NLRC4: variants seen among roughly 807,000 people sequenced by gnomAD.
NLRC4 encodes the protein NLR family CARD domain-containing protein 4.
In NLRC4, 63 loss-of-function variants were observed where a neutral mutation model predicts 79.9. The observed-to-expected ratio is 0.79, with a 90% CI of 0.64 to 0.97. The LOEUF is 0.97. NLRC4 is among the 50% of genes least tolerant of loss of function. The pLI is 0.00. For missense variants in NLRC4, 1,074 were observed against 1,215.2 expected, an observed-to-expected ratio of 0.88 and a Z score of 1.73; for synonymous variants, 461 against 456.5, an observed-to-expected ratio of 1.01 and a Z score of -0.12.
At chr2:32,248,105 TATAAC>T (rs1157868034) in intron 4 of NLRC4, among the ~76,000 whole-genome samples, 1 of 152,124 alleles carries the variant, frequency 6.6e-6, no homozygotes, top group Non-Finnish European at 1.5e-5. Flanking sequence ...AATATATCGA[TATAAC>T]AAAACTGCAC....
intron 1 of NLRC4, among the ~76,000 whole-genome samples, chr2:32,258,503 C>G (rs971498816): frequency 2.0e-5 from 3 of 152,166 alleles, no homozygotes; most frequent in Admixed American, 6.5e-5. Context: ...GCGCCCTTCT[C>G]TTCCCAGCAC....
chr2:32,261,315 C>CTTTTTTTTTTTTTTTTTTTTT (rs1558464069), intron 1 of NLRC4, among the ~76,000 whole-genome samples: 7 of 81,572 alleles, frequency 8.6e-5, no homozygotes, highest in African/African-American at 2.9e-4. Context: ...AAGCCTCCCC[C>CTTTTTTTTTTTTTTTTTTTTT]CTTTTGTTTT....
chr2:32,240,009 C>CT (rs1280471738), intron 5 of NLRC4, among the ~76,000 whole-genome samples: 2 of 152,178 alleles, frequency 1.3e-5, no homozygotes, highest in Non-Finnish European at 2.9e-5. Context: ...AAGATGGAGT[C>CT]TATCTCTGTC....
At chr2:32,239,427 G>A (rs1375439689) in intron 5 of NLRC4, among the ~76,000 whole-genome samples, 1 of 152,208 alleles carries the variant, frequency 6.6e-6, no homozygotes, top group African/African-American at 2.4e-5. Flanking sequence ...GTTCATTGTT[G>A]TCATGGGAGT....
At chr2:32,233,175 A>C in intron 8 of NLRC4, among the ~76,000 whole-genome samples, 1 of 82,644 alleles carries the variant, frequency 1.2e-5, no homozygotes, top group Non-Finnish European at 2.2e-5. Flanking sequence ...GAAGGAAGGA[A>C]GGAAGGAAGG....
At chr2:32,259,188 T>C (rs944767248) in intron 1 of NLRC4, among the ~76,000 whole-genome samples, 21 of 150,532 alleles carry the variant, frequency 1.4e-4, no homozygotes, top group African/African-American at 4.9e-4. Context: ...CTTAACCTTC[T>C]GGGCTCAGGT....
In NLRC4 at chr2:32,251,552, A is replaced by C. The variant is rs779306819; in HGVS notation, c.312T>G (p.Asp104Glu). 1.2e-6 allele frequency: 2 copies of C among 1,612,058 alleles called. No homozygotes were observed. The highest frequency in any genetic ancestry group is 1.7e-6 in the Non-Finnish European group (2 of 1,179,140). ...SEGDLDDLAQDLKDLYHTPSF... is the reference protein window; with the variant it reads ...SEGDLDDLAQELKDLYHTPSF... ...ATGGGGTATGGTACAAGTCCTTTAA[A>C]TCCTGAGCCAAATCGTCCAAGTCTC... The change falls in exon 4 of 9, where the codon GAT becomes GAG. Residue 104 changes from aspartate to glutamate, a missense_variant. Asp to Glu is a conservative substitution (Grantham distance 45). Coordinates refer to ENST00000402280, the MANE Select transcript of NLRC4 (RefSeq NM_001199138.2).
At chr2:32,253,359 A>G (rs971448979) in intron 2 of NLRC4, among the ~76,000 whole-genome samples, 1 of 151,884 alleles carries the variant, frequency 6.6e-6, no homozygotes, top group Non-Finnish European at 1.5e-5. Flanking sequence ...CATTTTGGTC[A>G]GACTGGTCTC....
At chr2:32,243,097 G>A (rs755456997) in intron 4 of NLRC4, among the ~76,000 whole-genome samples, 1 of 151,110 alleles carries the variant, frequency 6.6e-6, no homozygotes, top group Non-Finnish European at 1.5e-5. Context: ...AAGGAGGGAG[G>A]GAAGGACGGA....
At chr2:32,224,810 T>TAAAAA (rs199998217) in intron 8 of NLRC4, 45 bp from the exon 9 acceptor site, 230 of 980,998 alleles carry the variant, frequency 2.3e-4, no homozygotes, top group South Asian at 4.9e-4. Flanking sequence ...AAATTTTTTT[T>TAAAAA]AAAAAAAAAG....
At chr2:32,233,984 T>G (rs1349583720) in intron 8 of NLRC4, among the ~76,000 whole-genome samples, 2 of 152,152 alleles carry the variant, frequency 1.3e-5, no homozygotes, top group Non-Finnish European at 2.9e-5. Flanking sequence ...CATATATATG[T>G]GTGTGTATAT....
At chr2:32,251,842 G>T (rs1687085989) in intron 3 of NLRC4, among the ~76,000 whole-genome samples, 1 of 152,098 alleles carries the variant, frequency 6.6e-6, no homozygotes, top group Non-Finnish European at 1.5e-5. Context: ...TATAGCAGCT[G>T]GTTGGAAAAG....
chr2:32,241,981 TGAAAGAA>T (rs1300435987), intron 4 of NLRC4, among the ~76,000 whole-genome samples: 1 of 151,620 alleles, frequency 6.6e-6, no homozygotes, highest in African/African-American at 2.4e-5. Context: ...GCAAAATAAA[TGAAAGAA>T]GAAAGAAAAT....
chr2:32,256,990 G>A (rs977652500), intron 1 of NLRC4, 97 bp from the exon 2 acceptor site: 1 of 495,138 alleles, frequency 2.0e-6, no homozygotes, highest in Admixed American at 3.4e-5. Flanking sequence ...AGAAAATGGT[G>A]ACCCAAACCA....
At chr2:32,247,476 G>A (rs1558455155) in intron 4 of NLRC4, among the ~76,000 whole-genome samples, 3 of 151,122 alleles carry the variant, frequency 2.0e-5, no homozygotes, top group Non-Finnish European at 3.0e-5. Context: ...CACCACGCCC[G>A]GCTAATTTTG....
At chr2:32,225,409 A>ATGTGTGTGTG (rs35323064) in intron 8 of NLRC4, among the ~76,000 whole-genome samples, 4 of 149,198 alleles carry the variant, frequency 2.7e-5, no homozygotes, top group East Asian at 2.0e-4. Context: ...CATACAAAGG[A>ATGTGTGTGTG]TGTGTGTGTG....
At chr2:32,258,622 A>G (rs893655748) in intron 1 of NLRC4, among the ~76,000 whole-genome samples, 1 of 152,218 alleles carries the variant, frequency 6.6e-6, no homozygotes, top group Non-Finnish European at 1.5e-5. Context: ...GTACGCCAAG[A>G]TGAGGCATTT....
At chr2:32,246,702 C>T (rs974250584) in intron 4 of NLRC4, among the ~76,000 whole-genome samples, 1 of 152,238 alleles carries the variant, frequency 6.6e-6, no homozygotes, top group Admixed American at 6.5e-5. Flanking sequence ...AGATTGCCCT[C>T]GCATATCTGT....
chr2:32,240,926 A>C (rs1007089128), intron 5 of NLRC4, 107 bp downstream of exon 5: 4 of 687,270 alleles, frequency 5.8e-6, no homozygotes, highest in African/African-American at 3.6e-5. Context: ...CCACAAGTAC[A>C]TAAAAACATC....
Sources: allele counts gnomAD v4.1 joint callset (sites outside exome capture counted in the v4.1 genomes callset), GRCh38; gene constraint gnomAD v4.1.1; transcripts MANE v1.5; gene names NCBI Gene and HGNC (gene_info 2026-07-23, HGNC 2026-07-21).